DMXL1: variants seen among roughly 807,000 people sequenced by gnomAD.
The protein encoded by DMXL1 is dmX-like protein 1.
A neutral mutation model predicts 319.2 loss-of-function variants in DMXL1; 99 were observed. That is an observed-to-expected ratio of 0.31 (90% CI 0.26 to 0.37). DMXL1 has a LOEUF of 0.37. Ranked by LOEUF, DMXL1 falls within the 10% of genes least tolerant of loss-of-function variation. The pLI, the probability that DMXL1 is intolerant of heterozygous loss-of-function variation, is 1.00. For missense variants in DMXL1, 3,745 were observed against 3,595.6 expected (o/e 1.04, Z -1.06); for synonymous variants, 1,385 against 1,235.2 (o/e 1.12, Z -2.54).
chr5:119,155,061 G>A (rs2150168231), intron 19 of DMXL1, among the ~76,000 whole-genome samples: 2 of 152,332 alleles, frequency 1.3e-5, no homozygotes, highest in East Asian at 1.9e-4. Context: ...CTGTTGAGAA[G>A]AAAGATTTCC....
At chr5:119,139,733 CAG>C (rs1766867714) in intron 13 of DMXL1, among the ~76,000 whole-genome samples, 2 of 152,264 alleles carry the variant, frequency 1.3e-5, no homozygotes, top group South Asian at 2.1e-4. Context: ...AGAAGAGTAA[CAG>C]AGATATTCCG....
At position 119,167,953 on chromosome 5, in the gene DMXL1, T is replaced by C; in HGVS notation, c.5398+89T>C. On this transcript the variant is annotated intron_variant, in intron 23 of 43. Coordinates refer to ENST00000539542, the MANE Select transcript of DMXL1 (RefSeq NM_001290321.3). ...TCACTCTATTAGGTGGTAAGGGTAA[T>C]ACAAACAAATTGAATTCATGGTCTT... 1.6e-6 allele frequency: 2 copies of C among 1,255,026 alleles called. 1 individual carries two copies. Among genetic ancestry groups the C allele is most frequent in the South Asian group, 3.2e-5 (2 of 62,118 alleles). 77.7% of individuals were successfully genotyped at this position (1,255,026 alleles called of 1,614,324 possible).
At chr5:119,212,059 A>G (rs1193362161) in intron 34 of DMXL1, among the ~76,000 whole-genome samples, 2 of 152,216 alleles carry the variant, frequency 1.3e-5, no homozygotes, top group African/African-American at 4.8e-5. Context: ...TAAAATATAA[A>G]TAACATAAAA....
At chr5:119,102,320 C>A in intron 3 of DMXL1, 1 of 213,510 alleles carries the variant, frequency 4.7e-6, no homozygotes, top group Non-Finnish European at 9.2e-6. Flanking sequence ...GTTGTCCAGC[C>A]ATATGTGGTA....
At chr5:119,166,811 T>C in intron 22 of DMXL1, 30 bp downstream of exon 22, 1 of 1,556,824 alleles carries the variant, frequency 6.4e-7, no homozygotes, top group Non-Finnish European at 8.7e-7. Flanking sequence ...TAACAAAGTA[T>C]AGCAATGTCA....
intron 25 of DMXL1, among the ~76,000 whole-genome samples, chr5:119,173,616 A>G (rs983602547): frequency 2.7e-5 from 4 of 150,528 alleles, no homozygotes; most frequent in Non-Finnish European, 5.9e-5. Flanking sequence ...ATCCTCCAGC[A>G]GGCAAGCCTA....
intron 1 of DMXL1, among the ~76,000 whole-genome samples, chr5:119,096,175 T>A (rs1048207865): frequency 3.9e-5 from 5 of 129,584 alleles, no homozygotes; most frequent in Non-Finnish European, 8.1e-5. Context: ...ATATGAAGTA[T>A]AATTTTTTTT....
chr5:119,196,076 C>T (rs1275867580), intron 30 of DMXL1, among the ~76,000 whole-genome samples: 3 of 152,054 alleles, frequency 2.0e-5, no homozygotes, highest in Non-Finnish European at 2.9e-5. Flanking sequence ...AAACTGACTC[C>T]ATATTAACAC....
chr5:119,155,386 C>T (rs571038420), intron 19 of DMXL1, among the ~76,000 whole-genome samples: 109 of 152,156 alleles, frequency 7.2e-4, no homozygotes, highest in African/African-American at 2.4e-3. Context: ...TCAACATTAA[C>T]AAGAGTTTGG....
chr5:119,112,056 G>A (rs1305137260), intron 5 of DMXL1, among the ~76,000 whole-genome samples: 2 of 152,324 alleles, frequency 1.3e-5, no homozygotes, highest in East Asian at 3.9e-4. Context: ...CGCCTCCCGG[G>A]TTCATACCAT....
intron 37 of DMXL1, among the ~76,000 whole-genome samples, chr5:119,223,006 T>G (rs2150595176): frequency 6.6e-6 from 1 of 152,032 alleles, no homozygotes; most frequent in South Asian, 2.1e-4. Context: ...TTTATCATCT[T>G]TATTATCCCT....
At chr5:119,085,293 C>G (rs2149710630) in intron 1 of DMXL1, among the ~76,000 whole-genome samples, 1 of 151,772 alleles carries the variant, frequency 6.6e-6, no homozygotes, top group South Asian at 2.1e-4. Flanking sequence ...ATTGGTGCCA[C>G]TGCACTCCAG....
chr5:119,246,864 C>A, intron 43 of DMXL1, 131 bp from the exon 44 acceptor site: 1 of 603,574 alleles, frequency 1.7e-6, no homozygotes, highest in Non-Finnish European at 2.9e-6. Context: ...AACTCCTTAC[C>A]TTAGGTGGTC....
rs182956457 is a variant in DMXL1 at position 119,229,643 on chromosome 5, C to T, written c.8339-3697C>T. Among the ~76,000 whole-genome samples, 13 of 152,284 alleles carry T rather than the reference C, an allele frequency of 8.5e-5. No individual in the cohort carries two copies. In the East Asian group the frequency reaches 2.1e-3, roughly 25 times the overall value. The stretch of plus-strand genomic sequence containing the variant: ...GAAAAACATCCTTCATACCTCATAG[C>T]TTCACATTCCAAAAACATCTTACTT... On this transcript the variant is annotated intron_variant, in intron 38 of 43. Transcript: ENST00000539542.
intron 34 of DMXL1, among the ~76,000 whole-genome samples, chr5:119,214,546 C>T (rs1365530829): frequency 6.6e-6 from 1 of 152,126 alleles, no homozygotes; most frequent in Non-Finnish European, 1.5e-5. Context: ...ACCTTTATCT[C>T]CAATCTTATC....
At chr5:119,226,892 C>T (rs1785677572) in intron 38 of DMXL1, among the ~76,000 whole-genome samples, 1 of 152,172 alleles carries the variant, frequency 6.6e-6, no homozygotes, top group Non-Finnish European at 1.5e-5. Context: ...TGTAAGACTC[C>T]TAAGCAGAGG....
intron 22 of DMXL1, 25 bp downstream of exon 22, chr5:119,166,806 A>G (rs1328754945): frequency 6.4e-7 from 1 of 1,567,054 alleles, no homozygotes; most frequent in Non-Finnish European, 8.6e-7. Context: ...TTAAATAACA[A>G]AGTATAGCAA....
chr5:119,154,986 C>G (rs775312671), intron 19 of DMXL1, among the ~76,000 whole-genome samples: 43 of 152,326 alleles, frequency 2.8e-4, no homozygotes, highest in South Asian at 8.3e-4. Context: ...ATAGCAAAGC[C>G]CAATGGCAGC....
chr5:119,181,693 A>T (rs535741831), intron 28 of DMXL1, among the ~76,000 whole-genome samples: 3 of 152,058 alleles, frequency 2.0e-5, no homozygotes, highest in African/African-American at 4.8e-5. Context: ...GTGCCTGTAG[A>T]CCCAGCTACT....
Sources: gnomAD v4.1 joint callset for allele counts (sites outside exome capture counted in the v4.1 genomes callset) on GRCh38, gnomAD v4.1.1 for gene constraint, MANE v1.5 for transcripts, NCBI Gene and HGNC (gene_info 2026-07-23, HGNC 2026-07-21) for gene names.